The following ERICH6B variants were observed in gnomAD, a reference collection of about 807,000 sequenced individuals.
ERICH6B encodes glutamate-rich protein 6B.
A neutral mutation model predicts 80.0 loss-of-function variants in ERICH6B; 69 were observed. That is an observed-to-expected ratio of 0.86 (90% CI 0.71 to 1.05). The LOEUF is 1.05. Ranked by LOEUF, ERICH6B falls within the 50% of genes least tolerant of loss-of-function variation. The pLI is 0.00. For missense variants in ERICH6B, 754 were observed against 796.1 expected (o/e 0.95, Z 0.64); for synonymous variants, 283 against 291.9 (o/e 0.97, Z 0.31).
intron 11 of ERICH6B, 98 bp downstream of exon 11, chr13:45,561,271 G>T (rs1393206490): frequency 8.1e-7 from 1 of 1,239,600 alleles, no homozygotes; most frequent in Non-Finnish European, 1.1e-6. Flanking sequence ...TACATTGTGT[G>T]TTGTTCCTTA....
At chr13:45,561,634 G>A in intron 10 of ERICH6B, 108 bp from the exon 11 acceptor site, 3 of 1,263,074 alleles carry the variant, frequency 2.4e-6, no homozygotes, top group Non-Finnish European at 2.2e-6. Flanking sequence ...GGGTTTGGGA[G>A]ATCTGCCATT....
intron 3 of ERICH6B, among the ~76,000 whole-genome samples, chr13:45,595,196 G>A (rs189877118): frequency 3.9e-5 from 6 of 152,154 alleles, no homozygotes; most frequent in Admixed American, 3.9e-4. Context: ...CCAGGAAATA[G>A]AGATCTCTGA....
intron 5 of ERICH6B, among the ~76,000 whole-genome samples, chr13:45,585,608 C>G (rs79179321): frequency 0.028 from 4,274 of 152,252 alleles, 183 homozygotes; most frequent in African/African-American, 0.096. Flanking sequence ...GTCATTGAGC[C>G]TGGCTTAGAG....
At chr13:45,587,327 A>T in intron 4 of ERICH6B, 95 bp from the exon 5 acceptor site, 1 of 1,075,588 alleles carries the variant, frequency 9.3e-7, no homozygotes. Context: ...GGTGCTCTTG[A>T]TGTCCAGACC....
chr13:45,591,047 A>C (rs1487327890), intron 3 of ERICH6B, among the ~76,000 whole-genome samples: 2 of 152,234 alleles, frequency 1.3e-5, no homozygotes, highest in Non-Finnish European at 2.9e-5. Flanking sequence ...TTTAAGGATT[A>C]TTTTTAATTT....
intron 11 of ERICH6B, among the ~76,000 whole-genome samples, chr13:45,558,326 G>C (rs1472758561): frequency 6.6e-6 from 1 of 152,152 alleles, no homozygotes; most frequent in Non-Finnish European, 1.5e-5. Flanking sequence ...TCAGTTCTAG[G>C]AGCTTTCTGG....
intron 8 of ERICH6B, among the ~76,000 whole-genome samples, chr13:45,571,572 G>A (rs1299977618): frequency 6.6e-6 from 1 of 152,168 alleles, no homozygotes; most frequent in Non-Finnish European, 1.5e-5. Flanking sequence ...GGCTTCAACT[G>A]TTTGCTAAGG....
chr13:45,554,810 G>C (rs753220775), intron 11 of ERICH6B, among the ~76,000 whole-genome samples: 3 of 152,222 alleles, frequency 2.0e-5, no homozygotes, highest in Non-Finnish European at 4.4e-5. Flanking sequence ...GCTCACCATG[G>C]CTGCTGTGAG....
intron 5 of ERICH6B, among the ~76,000 whole-genome samples, chr13:45,582,981 CTT>C (rs1253237894): frequency 6.6e-6 from 1 of 152,198 alleles, no homozygotes. Context: ...ATTTCACCAA[CTT>C]CCCACAATTC....
chr13:45,592,314 G>A (rs558296093), intron 3 of ERICH6B, among the ~76,000 whole-genome samples: 15 of 152,316 alleles, frequency 9.8e-5, no homozygotes, highest in African/African-American at 2.4e-4. Context: ...GGGGCTCAGC[G>A]TTCCCCCACC....
rs28436114 is a variant in ERICH6B, at chr13:45,596,618, T to C, written c.388A>G (p.Lys130Glu). The C allele has an allele frequency of 6.5e-7, 1 of 1,543,604 alleles. No individual in the cohort carries two copies. Among genetic ancestry groups the C allele is most frequent in the Non-Finnish European group, 8.8e-7 (1 of 1,142,592 alleles). Residue 130 changes from lysine to glutamate, a missense_variant, in exon 3 of 15, where the codon AAG becomes GAG. Coordinates refer to ENST00000298738, the MANE Select transcript of ERICH6B (RefSeq NM_182542.3). The stretch of plus-strand genomic sequence containing the variant: ...TCTTCCTCCTCCAGATGCTCTTCCT[T>C]CCCCAGGTACTCTTCCTCCTCCAGA... ...GYLEEEEYLGKEEHLEEEEYL... is the reference protein window; with the variant it reads ...GYLEEEEYLGEEEHLEEEEYL...
At chr13:45,543,918 C>T (rs1873887126) in intron 14 of ERICH6B, among the ~76,000 whole-genome samples, 1 of 152,088 alleles carries the variant, frequency 6.6e-6, no homozygotes, top group African/African-American at 2.4e-5. Flanking sequence ...CTGACACGGC[C>T]ACTGTGAGTG....
intron 12 of ERICH6B, 61 bp from the exon 13 acceptor site, chr13:45,550,106 C>T: frequency 6.5e-7 from 1 of 1,543,468 alleles, no homozygotes; most frequent in Middle Eastern, 1.7e-4. Flanking sequence ...AGGTAGGGCC[C>T]TGCAGATGAT....
At position 45,561,287 on chromosome 13, in the gene ERICH6B, C is replaced by T. The variant is rs185584260; in HGVS notation, c.1407+82G>A. 6.6e-6 allele frequency: 9 copies of T among 1,361,488 alleles called. No homozygotes were observed. In the East Asian group the frequency reaches 7.6e-5, roughly 11 times the overall value. 84.3% of individuals were successfully genotyped at this position (1,361,488 alleles called of 1,614,324 possible). On this transcript the variant is annotated intron_variant, in intron 11 of 14. Coordinates refer to ENST00000298738, the MANE Select transcript of ERICH6B (RefSeq NM_182542.3). ...ACATTGTGTGTTGTTCCTTACAGCT[C>T]TCTGGTGGTGTATGCACACCTCACC...
rs1876418618 is a variant in ERICH6B at position 45,596,903 on chromosome 13, C to T, written c.103G>A (p.Glu35Lys). ...QNLPSEKEDT[E>K]VELDEESLQD... ...AGACTTTCCTCATCTAGTTCTACTTCAGTATCCTCTTTCTCTGAAGGCAAG... is the reference window on the plus strand; with the variant it reads ...AGACTTTCCTCATCTAGTTCTACTTTAGTATCCTCTTTCTCTGAAGGCAAG... The change falls in exon 3 of 15, where the codon GAA becomes AAA. Residue 35 changes from glutamate (E) to lysine (K), a missense_variant. By Grantham distance (56) the Glu-to-Lys change is moderately conservative (BLOSUM62 1). Coordinates refer to ENST00000298738, the MANE Select transcript of ERICH6B (RefSeq NM_182542.3). The T allele has an allele frequency of 6.4e-7, 1 of 1,551,724 alleles. No homozygotes were observed. The highest frequency in any genetic ancestry group is 2.0e-5 in the Admixed American group (1 of 50,988).
intron 4 of ERICH6B, among the ~76,000 whole-genome samples, chr13:45,590,207 T>C (rs987524137): frequency 6.6e-5 from 10 of 151,438 alleles, no homozygotes; most frequent in Admixed American, 3.3e-4. Context: ...ATCTAGTGTG[T>C]GCCAAGTCCT....
At chr13:45,550,742 G>A (rs988659888) in intron 11 of ERICH6B, among the ~76,000 whole-genome samples, 1 of 152,118 alleles carries the variant, frequency 6.6e-6, no homozygotes, top group Non-Finnish European at 1.5e-5. Context: ...GATGATAGAC[G>A]GAGATCCTTG....
intron 1 of ERICH6B, among the ~76,000 whole-genome samples, chr13:45,611,746 G>A (rs553563705): frequency 7.9e-4 from 120 of 152,302 alleles, no homozygotes; most frequent in African/African-American, 2.6e-3. Flanking sequence ...TCAGTGCCTC[G>A]TGAGACTGAC....
intron 2 of ERICH6B, among the ~76,000 whole-genome samples, chr13:45,602,241 G>T (rs1342479339): frequency 4.6e-5 from 7 of 152,138 alleles, no homozygotes; most frequent in South Asian, 2.1e-4. Flanking sequence ...CAGGAGGCTG[G>T]TACCTCTGCC....
Sources: allele counts gnomAD v4.1 joint callset (sites outside exome capture counted in the v4.1 genomes callset), GRCh38; gene constraint gnomAD v4.1.1; transcripts MANE v1.5; gene names NCBI Gene and HGNC (gene_info 2026-07-23, HGNC 2026-07-21).